DAB1: variants seen among roughly 807,000 people sequenced by gnomAD.
DAB1 encodes the protein DAB adaptor protein 1.
A neutral mutation model predicts 64.6 loss-of-function variants in DAB1; 15 were observed. The observed-to-expected ratio is 0.23, with a 90% CI of 0.16 to 0.36. DAB1 has a LOEUF of 0.36. DAB1 is among the 10% of genes least tolerant of loss of function. The probability of loss-of-function intolerance (pLI) is 1.00; values close to 1 mark genes in which losing one functional copy is unlikely to be tolerated. For synonymous variants in DAB1, 235 were observed against 251.9 expected (o/e 0.93, Z 0.64); for missense variants, 596 against 706.7 (o/e 0.84, Z 1.78).
intron 1 of DAB1, chr1:57,874,453 G>C (rs1205868850): frequency 2.0e-5 from 3 of 152,204 alleles, no homozygotes; most frequent in Non-Finnish European, 4.4e-5. Flanking sequence ...GGTTGCCATA[G>C]AGACCACTCT....
At chr1:58,352,468 A>G (rs2100516545) in intron 3 of DAB1, among the ~76,000 whole-genome samples, 1 of 152,326 alleles carries the variant, frequency 6.6e-6, no homozygotes, top group Non-Finnish European at 1.5e-5. Context: ...TGTATCTAAC[A>G]TTTGTAGAGA....
At chr1:57,424,138 C>T (rs1685155129), upstream of DAB1, 1 of 149,328 alleles carries the variant, frequency 6.7e-6, no homozygotes, top group Admixed American at 6.7e-5. Context: ...CCTCCTCCCG[C>T]GGCCCCCCGC....
chr1:57,625,015 T>C (rs1645905311), intron 7 of DAB1, among the ~76,000 whole-genome samples: 1 of 152,120 alleles, frequency 6.6e-6, no homozygotes. Flanking sequence ...CAAATAATTA[T>C]AGGACGAAAA....
intron 6 of DAB1, among the ~76,000 whole-genome samples, chr1:57,683,174 T>C (rs1028306812): frequency 1.3e-5 from 2 of 152,118 alleles, no homozygotes; most frequent in African/African-American, 4.8e-5. Context: ...CACTGAGAGG[T>C]GTGAGACATG....
intron 1 of DAB1, among the ~76,000 whole-genome samples, chr1:58,535,917 T>C (rs1646509179): frequency 6.6e-6 from 1 of 152,166 alleles, no homozygotes. Context: ...GAATTCTGAC[T>C]ATAAATCTAT....
chr1:58,538,517 T>C (rs1041098020), intron 1 of DAB1, among the ~76,000 whole-genome samples: 2 of 152,182 alleles, frequency 1.3e-5, no homozygotes, highest in Non-Finnish European at 2.9e-5. Context: ...CTATACAAAA[T>C]GTAAGAATAA....
intron 9 of DAB1, among the ~76,000 whole-genome samples, chr1:57,049,517 AG>A (rs1169355681): frequency 7.9e-6 from 1 of 125,818 alleles, no homozygotes; most frequent in Non-Finnish European, 1.8e-5. Flanking sequence ...TAACTGACAG[AG>A]CCTACAGGGA....
At chr1:57,420,823 C>A (rs916752311) in intron 1 of DAB1, among the ~76,000 whole-genome samples, 3 of 152,182 alleles carry the variant, frequency 2.0e-5, no homozygotes, top group African/African-American at 7.2e-5. Flanking sequence ...AACTCAACCA[C>A]GAGTATTCTT....
chr1:57,405,205 G>T (rs995958834), intron 1 of DAB1, among the ~76,000 whole-genome samples: 1 of 152,210 alleles, frequency 6.6e-6, no homozygotes, highest in African/African-American at 2.4e-5. Flanking sequence ...CCAGCAAACA[G>T]CTAAGAACAC....
intron 2 of DAB1, among the ~76,000 whole-genome samples, chr1:57,238,864 C>T (rs922094613): frequency 3.4e-5 from 5 of 145,810 alleles, no homozygotes; most frequent in East Asian, 2.0e-4. Context: ...CACACATACA[C>T]ACACACACAC....
intron 1 of DAB1, among the ~76,000 whole-genome samples, chr1:57,383,360 G>A (rs1418552195): frequency 6.6e-6 from 1 of 152,140 alleles, no homozygotes; most frequent in Non-Finnish European, 1.5e-5. Context: ...GGCCCACAAT[G>A]AATCAGACTT....
chr1:57,182,151 T>C (rs751363876), intron 2 of DAB1, among the ~76,000 whole-genome samples: 7 of 152,250 alleles, frequency 4.6e-5, no homozygotes, highest in African/African-American at 7.2e-5. Context: ...TCCCAAATTG[T>C]TGGGATTACA....
At chr1:57,382,099 C>T (rs1297656401) in intron 1 of DAB1, among the ~76,000 whole-genome samples, 3 of 152,158 alleles carry the variant, frequency 2.0e-5, no homozygotes, top group Non-Finnish European at 4.4e-5. Context: ...TTTCACCCTC[C>T]CTCTTCCCGT....
intron 1 of DAB1, among the ~76,000 whole-genome samples, chr1:57,840,377 T>C (rs910356552): frequency 1.3e-5 from 2 of 152,076 alleles, no homozygotes; most frequent in African/African-American, 4.8e-5. Flanking sequence ...TTCCAGACTG[T>C]GAGATCAGCA....
At chr1:58,522,854 TA>T (rs1646288557) in intron 2 of DAB1, among the ~76,000 whole-genome samples, 1 of 152,202 alleles carries the variant, frequency 6.6e-6, no homozygotes, top group Non-Finnish European at 1.5e-5. Context: ...TGGATCATCA[TA>T]AATGTCTCCA....
At chr1:57,335,842 C>T (rs1179410468) in intron 1 of DAB1, among the ~76,000 whole-genome samples, 1 of 152,218 alleles carries the variant, frequency 6.6e-6, no homozygotes, top group African/African-American at 2.4e-5. Context: ...TTATGTTTGA[C>T]TGCAAATATT....
In DAB1 at chr1:58,255,504, T is replaced by C. The variant is rs148106660; in HGVS notation, n.309+87848A>G. Reference sequence around the variant, plus strand: ...TTCTTCCTGTAGGAAGCAGGAGGGGTCATGGCCACCAACAGCTCTAGGCTT... The same window carrying C: ...TTCTTCCTGTAGGAAGCAGGAGGGGCCATGGCCACCAACAGCTCTAGGCTT... On this transcript the variant is annotated intron_variant and non_coding_transcript_variant, in intron 4 of 20. Coordinates refer to the DAB1 transcript ENST00000485760. 3.1e-3 allele frequency among the ~76,000 whole-genome samples: 471 copies of C among 151,922 alleles called. 2 individuals carry two copies. Among genetic ancestry groups the C allele is most frequent in the Non-Finnish European group, 4.4e-3 (297 of 67,964 alleles).
intron 4 of DAB1, among the ~76,000 whole-genome samples, chr1:58,234,742 C>T (rs570057630): frequency 1.1e-4 from 16 of 152,180 alleles, no homozygotes; most frequent in Non-Finnish European, 2.4e-4. Flanking sequence ...TAGGATCAGA[C>T]TTCCTGGGCC....
chr1:58,443,589 T>C (rs1464048017), intron 3 of DAB1, among the ~76,000 whole-genome samples: 1 of 152,210 alleles, frequency 6.6e-6, no homozygotes, highest in Non-Finnish European at 1.5e-5. Flanking sequence ...TTTTGACAAG[T>C]GCACCATTGT....
Sources: gnomAD v4.1 joint callset for allele counts (sites outside exome capture counted in the v4.1 genomes callset) on GRCh38, gnomAD v4.1.1 for gene constraint, MANE v1.5 for transcripts, NCBI Gene and HGNC (gene_info 2026-07-23, HGNC 2026-07-21) for gene names.